The following MED13L variants were observed in gnomAD, a reference collection of about 807,000 sequenced individuals.
The protein encoded by MED13L is mediator complex subunit 13L.
MED13L carries 7 observed loss-of-function variants against 220.9 expected under a neutral mutation model. That is an observed-to-expected ratio of 0.03 (90% CI 0.02 to 0.06). The LOEUF is 0.06. MED13L is among the 10% of genes least tolerant of loss of function. The pLI is 1.00. For missense variants in MED13L, 1,965 were observed against 2,760.5 expected (o/e 0.71, Z 6.46); for synonymous variants, 1,011 against 1,015.2 (o/e 1.00, Z 0.08).
At chr12:116,015,375 AAGTCATATACAT>A in intron 7 of MED13L, 101 bp from the exon 8 acceptor site, 1 of 1,267,230 alleles carries the variant, frequency 7.9e-7, no homozygotes. Context: ...TAATTGTTGA[AAGTCATATACAT>A]AGCTTTTTCC....
chr12:116,207,629 AAAT>A (rs1297166644), intron 2 of MED13L, among the ~76,000 whole-genome samples: 1 of 152,198 alleles, frequency 6.6e-6, no homozygotes, highest in Non-Finnish European at 1.5e-5. Context: ...GGGATAAAGC[AAAT>A]AAAAAAATTA....
chr12:116,190,748 G>C (rs1419824389), intron 2 of MED13L, among the ~76,000 whole-genome samples: 2 of 152,074 alleles, frequency 1.3e-5, no homozygotes, highest in African/African-American at 4.8e-5. Context: ...ATTTGACCTT[G>C]TCAATCAAAG....
At position 116,015,204 on chromosome 12, in the gene MED13L, G is replaced by C; in HGVS notation, c.1080C>G (p.His360Gln). ...GAATCTTCCCCGATCTCTTTGGACT[G>C]TGCATCGTTATCATCCCTCCATCTT... ...VSQDGGMITM[H>Q]SPKRSGKIPP... Residue 360 changes from histidine to glutamine, a missense_variant, in exon 8 of 31, where the codon CAC (histidine) becomes CAG (glutamine). This residue lies in a region of MED13L where 818 missense variants were observed against 1,041.2 expected (regional missense o/e 0.79). Coordinates refer to ENST00000281928, the MANE Select transcript of MED13L (RefSeq NM_015335.5). 6.2e-7 allele frequency: 1 copy of C among 1,613,814 alleles called. No individual in the cohort carries two copies. The highest frequency in any genetic ancestry group is 8.5e-7 in the Non-Finnish European group (1 of 1,179,808).
intron 3 of MED13L, among the ~76,000 whole-genome samples, chr12:116,100,331 G>C (rs1338749049): frequency 6.6e-6 from 1 of 152,048 alleles, no homozygotes; most frequent in Non-Finnish European, 1.5e-5. Flanking sequence ...GGGCACAGTG[G>C]CTCACCCCTG....
intron 2 of MED13L, among the ~76,000 whole-genome samples, chr12:116,227,491 G>A (rs1265985208): frequency 2.0e-5 from 3 of 152,242 alleles, no homozygotes; most frequent in Admixed American, 1.3e-4. Context: ...TTGTGTCTGT[G>A]TCACATTTTG....
At chr12:116,226,388 G>A (rs1051552191) in intron 2 of MED13L, among the ~76,000 whole-genome samples, 10 of 152,134 alleles carry the variant, frequency 6.6e-5, no homozygotes, top group Non-Finnish European at 1.3e-4. Context: ...TAACAAATAG[G>A]TATGTGGCCC....
chr12:116,230,482 C>T (rs1869449169), intron 2 of MED13L: 1 of 984,582 alleles, frequency 1.0e-6, no homozygotes, highest in Non-Finnish European at 1.2e-6. Context: ...ATCTACAATG[C>T]TGCTGCAAAA....
chr12:116,001,590 A>C (rs894751512), intron 14 of MED13L, among the ~76,000 whole-genome samples: 1 of 152,206 alleles, frequency 6.6e-6, no homozygotes, highest in Non-Finnish European at 1.5e-5. Flanking sequence ...GGGAGGAAAT[A>C]CTGTGTGTTC....
At chr12:116,248,433 T>C (rs116004322) in intron 1 of MED13L, among the ~76,000 whole-genome samples, 1 of 152,080 alleles carries the variant, frequency 6.6e-6, no homozygotes, top group Non-Finnish European at 1.5e-5. Flanking sequence ...AATACTAGAT[T>C]AGGACACTGT....
chr12:116,006,495 G>T, intron 11 of MED13L, 84 bp from the exon 12 acceptor site: 1 of 1,086,000 alleles, frequency 9.2e-7, no homozygotes, highest in Non-Finnish European at 1.4e-6. Flanking sequence ...GAATTAGAGG[G>T]TAGAATGGAA....
chr12:116,034,864 G>T (rs1881078372), intron 4 of MED13L, among the ~76,000 whole-genome samples: 1 of 152,144 alleles, frequency 6.6e-6, no homozygotes, highest in African/African-American at 2.4e-5. Flanking sequence ...AAATTAGCCA[G>T]GCGTGGTGGC....
At chr12:115,972,029 C>A in intron 26 of MED13L, 49 bp downstream of exon 26, 1 of 1,595,438 alleles carries the variant, frequency 6.3e-7, no homozygotes. Flanking sequence ...TTTGAGTGGA[C>A]TGAATTGATG....
chr12:116,273,030 C>A (rs538444246), intron 1 of MED13L, among the ~76,000 whole-genome samples: 3 of 152,258 alleles, frequency 2.0e-5, no homozygotes, highest in African/African-American at 4.8e-5. Flanking sequence ...GATAGCCAGG[C>A]GTAGTGGCTC....
chr12:116,212,832 G>C (rs1017743699), intron 2 of MED13L, among the ~76,000 whole-genome samples: 1 of 152,000 alleles, frequency 6.6e-6, no homozygotes, highest in Non-Finnish European at 1.5e-5. Context: ...AACTACAACA[G>C]AAATGACACA....
chr12:115,997,420 CTTGTT>C (rs200498590), intron 14 of MED13L, among the ~76,000 whole-genome samples, 190 bp from the exon 15 acceptor site: 23 of 152,120 alleles, frequency 1.5e-4, no homozygotes, highest in African/African-American at 5.5e-4. Context: ...TTTTCTGGGT[CTTGTT>C]TTGTTTTGTT....
intron 2 of MED13L, among the ~76,000 whole-genome samples, chr12:116,219,552 T>G (rs1242721552): frequency 6.6e-6 from 1 of 152,180 alleles, no homozygotes; most frequent in Non-Finnish European, 1.5e-5. Context: ...ATTGTTTATG[T>G]CCACAATGTG....
In MED13L at chr12:115,961,113, T is replaced by C. The variant is rs1875727891; in HGVS notation, c.*153A>G. ...CACTCTGGTAATGAACACTGCAGAATTGACATGTGCCTGCTGAGAAGGAAT... is the reference window on the plus strand; with the variant it reads ...CACTCTGGTAATGAACACTGCAGAACTGACATGTGCCTGCTGAGAAGGAAT... On this transcript the variant is annotated 3_prime_UTR_variant, in exon 31 of 31. Coordinates refer to ENST00000281928, the MANE Select transcript of MED13L (RefSeq NM_015335.5). The C allele has an allele frequency of 7.9e-6, 8 of 1,006,832 alleles. No individual in the cohort carries two copies. The East Asian group carries it at 1.8e-4, about 23-fold the overall frequency. The allele number at this position is 1,006,832 out of a possible 1,614,324, so 62.4% of individuals were successfully genotyped here. A position where few individuals can be genotyped will look rare whatever the true frequency, so the allele number is the denominator to read the frequency against.
At chr12:116,247,378 T>C (rs1871188424) in intron 1 of MED13L, among the ~76,000 whole-genome samples, 1 of 152,198 alleles carries the variant, frequency 6.6e-6, no homozygotes, top group African/African-American at 2.4e-5. Flanking sequence ...ATCCCATAAA[T>C]TGTGCTGCAA....
At chr12:116,219,293 G>A (rs912963192) in intron 2 of MED13L, among the ~76,000 whole-genome samples, 1 of 152,124 alleles carries the variant, frequency 6.6e-6, no homozygotes, top group Non-Finnish European at 1.5e-5. Flanking sequence ...TTATATTCAT[G>A]TTATTAGTAT....
Sources: gnomAD v4.1 joint callset for allele counts (sites outside exome capture counted in the v4.1 genomes callset) on GRCh38, gnomAD v4.1.1 for gene constraint, gnomAD v4.1.1 regional missense constraint, MANE v1.5 for transcripts, NCBI Gene and HGNC (gene_info 2026-07-23, HGNC 2026-07-21) for gene names.